The following MSR1 variants were observed in gnomAD, a reference collection of about 807,000 sequenced individuals.
The protein encoded by MSR1 is macrophage scavenger receptor 1, also known as macrophage scavenger receptor types I and II.
Under a neutral mutation model 47.2 loss-of-function variants are expected in MSR1, and 53 were observed. That is an observed-to-expected ratio of 1.12 (90% confidence interval 0.90 to 1.41). The LOEUF is 1.41. Among genes scored for constraint, MSR1 ranks in the 40% most tolerant of loss-of-function variants. MSR1 has a pLI of 0.00. For synonymous variants in MSR1, 239 were observed against 185.6 expected (o/e 1.29, Z -2.34); for missense variants, 786 against 546.9 (o/e 1.44, Z -4.36).
chr8:16,168,170 A>G (rs1801371472), intron 4 of MSR1, among the ~76,000 whole-genome samples: 1 of 152,200 alleles, frequency 6.6e-6, no homozygotes, highest in Non-Finnish European at 1.5e-5. Flanking sequence ...AAAAATTATG[A>G]TTGGTTTAGG....
Position 16,155,127 on chromosome 8 carries a change from C to T in MSR1, c.835G>A (p.Gly279Ser), listed in dbSNP as rs1486034786. Residue 279 changes from glycine to serine, a missense_variant, in exon 6 of 10, where the codon GGT becomes AGT. Transcript: ENST00000262101. ...TLIQGPPGPP[G>S]EKGDRGPTGE... ...GTGGGACCTCGATCTCCTTTTTCAC[C>T]CGGGGGTCCAGGAGGACCTTTAAAA... The T allele has an allele frequency of 1.2e-6, 2 of 1,611,870 alleles. No homozygotes were observed. Among genetic ancestry groups the T allele is most frequent in the Non-Finnish European group, 1.7e-6 (2 of 1,178,594 alleles).
At chr8:16,192,389 A>T (rs936964946) in intron 1 of MSR1, among the ~76,000 whole-genome samples, 3 of 152,168 alleles carry the variant, frequency 2.0e-5, no homozygotes, top group Non-Finnish European at 4.4e-5. Context: ...CTCATGGAAA[A>T]TTTAGCAGAA....
intron 3 of MSR1, among the ~76,000 whole-genome samples, chr8:16,170,729 A>C (rs994664189): frequency 6.6e-6 from 1 of 152,166 alleles, no homozygotes; most frequent in Non-Finnish European, 1.5e-5. Flanking sequence ...TCAATAACTA[A>C]CAGCTTGGTG....
intron 9 of MSR1, among the ~76,000 whole-genome samples, chr8:16,115,310 T>C (rs1799853354): frequency 6.6e-6 from 1 of 152,234 alleles, no homozygotes; most frequent in Admixed American, 6.5e-5. Context: ...TTTAGTTCTT[T>C]ACTCATCCAC....
At chr8:16,183,427 T>A (rs996423930) in intron 1 of MSR1, among the ~76,000 whole-genome samples, 1 of 150,886 alleles carries the variant, frequency 6.6e-6, no homozygotes, top group African/African-American at 2.4e-5. Context: ...ATTAAATAAA[T>A]ATTGAATATA....
chr8:16,140,588 T>A (rs1800529160), intron 8 of MSR1: 1 of 1,072,152 alleles, frequency 9.3e-7, no homozygotes, highest in Non-Finnish European at 1.1e-6. Context: ...ATCGCTTTGC[T>A]TGACTGAAAC....
At chr8:16,183,959 T>C (rs1801919399) in intron 1 of MSR1, among the ~76,000 whole-genome samples, 1 of 147,970 alleles carries the variant, frequency 6.8e-6, no homozygotes, top group Non-Finnish European at 1.5e-5. Flanking sequence ...TTTGGGGAAG[T>C]GGGTAATCAA....
intron 9 of MSR1, among the ~76,000 whole-genome samples, chr8:16,117,761 C>T (rs1799909375): frequency 6.6e-6 from 1 of 152,104 alleles, no homozygotes; most frequent in African/African-American, 2.4e-5. Flanking sequence ...CACTGTCTCC[C>T]ATCAGCCCCA....
At chr8:16,182,564 T>G (rs1801865705) in intron 1 of MSR1, among the ~76,000 whole-genome samples, 1 of 151,864 alleles carries the variant, frequency 6.6e-6, no homozygotes, top group African/African-American at 2.4e-5. Flanking sequence ...TTTAACTTTT[T>G]TTTTTTTTAA....
chr8:16,186,793 A>AGTTACTTACTTTATTTTTT (rs142369040), intron 1 of MSR1, among the ~76,000 whole-genome samples: 2 of 151,568 alleles, frequency 1.3e-5, no homozygotes, highest in East Asian at 3.9e-4. Flanking sequence ...CACCATGCCC[A>AGTTACTTACTTTATTTTTT]TCTAGAGATG....
chr8:16,136,077 A>G (rs1406128706), intron 8 of MSR1, among the ~76,000 whole-genome samples: 4 of 152,192 alleles, frequency 2.6e-5, no homozygotes, highest in African/African-American at 9.6e-5. Context: ...GATTTAGAGT[A>G]TCATATAGAT....
intron 1 of MSR1, among the ~76,000 whole-genome samples, chr8:16,191,649 G>C (rs1416506232): frequency 1.3e-5 from 2 of 152,038 alleles, no homozygotes; most frequent in Admixed American, 6.6e-5. Flanking sequence ...TACTCAACTA[G>C]GGAGCAGGGG....
At chr8:16,120,915 T>C (rs1212874683) in intron 8 of MSR1, 3 of 387,990 alleles carry the variant, frequency 7.7e-6, no homozygotes, top group Non-Finnish European at 1.4e-5. Context: ...TACAAGTTTA[T>C]TGTCACTTAG....
At chr8:16,131,993 A>T (rs1800271267) in intron 8 of MSR1, among the ~76,000 whole-genome samples, 1 of 147,568 alleles carries the variant, frequency 6.8e-6, no homozygotes, top group African/African-American at 2.6e-5. Flanking sequence ...ACACTTTACA[A>T]TAGGGTTTTT....
chr8:16,167,616 C>G (rs1585180215), intron 4 of MSR1, among the ~76,000 whole-genome samples: 2 of 152,246 alleles, frequency 1.3e-5, no homozygotes, highest in East Asian at 3.9e-4. Flanking sequence ...CTGCCAGAAT[C>G]AAATGTATCC....
At chr8:16,160,431 C>T (rs1207703887) in intron 5 of MSR1, among the ~76,000 whole-genome samples, 1 of 151,992 alleles carries the variant, frequency 6.6e-6, no homozygotes, top group Non-Finnish European at 1.5e-5. Context: ...TGTAATTGCT[C>T]ACCCACTATT....
chr8:16,184,117 A>G (rs904275249), intron 1 of MSR1, among the ~76,000 whole-genome samples: 3 of 151,718 alleles, frequency 2.0e-5, no homozygotes, highest in African/African-American at 7.3e-5. Context: ...ATTTTTCATA[A>G]AGACAACATT....
At chr8:16,138,564 G>A (rs764859151) in intron 8 of MSR1, among the ~76,000 whole-genome samples, 1 of 152,060 alleles carries the variant, frequency 6.6e-6, no homozygotes, top group Non-Finnish European at 1.5e-5. Flanking sequence ...ATTTAGTCTA[G>A]GATGTCAGAT....
chr8:16,182,835 C>A (rs1801874878), intron 1 of MSR1, among the ~76,000 whole-genome samples: 1 of 152,028 alleles, frequency 6.6e-6, no homozygotes, highest in East Asian at 1.9e-4. Flanking sequence ...GGAGTACACA[C>A]CAAAATAATG....
Sources: gnomAD v4.1 joint callset for allele counts (sites outside exome capture counted in the v4.1 genomes callset) on GRCh38, gnomAD v4.1.1 for gene constraint, MANE v1.5 for transcripts, NCBI Gene and HGNC (gene_info 2026-07-23, HGNC 2026-07-21) for gene names.